PPIL1: variants seen among roughly 807,000 people sequenced by gnomAD.
PPIL1 encodes the protein peptidyl-prolyl cis-trans isomerase-like 1.
A neutral mutation model predicts 19.4 loss-of-function variants in PPIL1; 14 were observed. The ratio of observed to expected loss-of-function variants is 0.72; its 90% CI spans 0.48 to 1.13. The LOEUF (loss-of-function observed/expected upper bound fraction) is 1.13, where lower values mean the gene tolerates loss of function less well. PPIL1 is among the 50% of genes most tolerant of loss of function. The pLI, the probability that PPIL1 is intolerant of heterozygous loss-of-function variation, is 0.00. For synonymous variants in PPIL1, 72 were observed against 73.6 expected (o/e 0.98, Z 0.11); for missense variants, 192 against 218.0 (o/e 0.88, Z 0.75).
At position 36,856,579 on chromosome 6, in the gene PPIL1, C is replaced by A; in HGVS notation, c.280+7G>T. On this transcript the variant is annotated splice_region_variant and intron_variant, in intron 3 of 3. Transcript: ENST00000373699. ...TCCTACCCAGTCCAGCCAAATTATACACTTACCCGTGAATTTCAAGTCTGG... is the reference window on the plus strand; with the variant it reads ...TCCTACCCAGTCCAGCCAAATTATAAACTTACCCGTGAATTTCAAGTCTGG... 1 of 1,613,536 alleles carries A rather than the reference C, an allele frequency of 6.2e-7. No individual in the cohort carries two copies. Among genetic ancestry groups the A allele is most frequent in the African/African-American group, 1.3e-5 (1 of 75,048 alleles).
intron 2 of PPIL1, among the ~76,000 whole-genome samples, chr6:36,857,973 T>C (rs1348881663): frequency 1.3e-5 from 2 of 151,984 alleles, no homozygotes; most frequent in Non-Finnish European, 2.9e-5. Flanking sequence ...CTCATGCCTA[T>C]AATCCCAGCA....
Position 36,855,907 on chromosome 6 carries a change from A to C in PPIL1, c.407T>G (p.Ile136Arg), listed in dbSNP as rs765734095. ...HTIFGRVCQG[I>R]GMVNRVGMVE... ...CATTCCCACGCGATTCACCATTCCT[A>C]TGCCCTGACACACTCGGCCAAAAAT... Residue 136 changes from isoleucine to arginine, a missense_variant, in exon 4 of 4, where the codon ATA (isoleucine) becomes AGA (arginine). By Grantham distance (97) the Ile-to-Arg change is moderately conservative. Transcript: ENST00000373699. The C allele has an allele frequency of 2.5e-6, 4 of 1,613,964 alleles. No individual in the cohort carries two copies. The African/African-American group carries it at 5.3e-5, about 22-fold the overall frequency.
At chr6:36,856,478 C>CT in intron 3 of PPIL1, 108 bp downstream of exon 3, 1 of 1,001,092 alleles carries the variant, frequency 1.0e-6, no homozygotes, top group Non-Finnish European at 1.5e-6. Context: ...GGCTGGGCAG[C>CT]TATCTGGCAC....
At chr6:36,859,217 G>C (rs1246392429) in intron 2 of PPIL1, among the ~76,000 whole-genome samples, 2 of 152,092 alleles carry the variant, frequency 1.3e-5, no homozygotes, top group African/African-American at 4.8e-5. Flanking sequence ...ATGAGGTCAG[G>C]AGTTTGAGAC....
intron 2 of PPIL1, among the ~76,000 whole-genome samples, chr6:36,861,811 C>A (rs1194318347): frequency 6.6e-6 from 1 of 151,978 alleles, no homozygotes; most frequent in Non-Finnish European, 1.5e-5. Flanking sequence ...ATTCTCCTGC[C>A]TCAGCCTCCC....
At chr6:36,859,973 C>G (rs1341358135) in intron 2 of PPIL1, among the ~76,000 whole-genome samples, 3 of 152,014 alleles carry the variant, frequency 2.0e-5, no homozygotes, top group Non-Finnish European at 4.4e-5. Context: ...GGACTACAGG[C>G]GCCCGCCACC....
chr6:36,865,215 C>T, intron 2 of PPIL1, among the ~76,000 whole-genome samples: 1 of 152,200 alleles, frequency 6.6e-6, no homozygotes, highest in Non-Finnish European at 1.5e-5. Context: ...CTACCCTGAA[C>T]CAAACTGTCT....
At position 36,859,259 on chromosome 6, in the gene PPIL1, T is replaced by G. The variant is rs534281809; in HGVS notation, c.212-2605A>C. On this transcript the variant is annotated intron_variant, in intron 2 of 3. Transcript: ENST00000373699. Reference sequence around the variant, plus strand: ...GACCAACATGGTGAAACCCCATCACTAATAAAAATACAAAAATTAGCCAGG... The same window carrying G: ...GACCAACATGGTGAAACCCCATCACGAATAAAAATACAAAAATTAGCCAGG... Among the ~76,000 whole-genome samples, 107 of 152,002 alleles carry G rather than the reference T, an allele frequency of 7.0e-4. 2 individuals carry two copies. Among genetic ancestry groups the G allele is most frequent in the Admixed American group, 5.8e-3 (88 of 15,260 alleles).
In PPIL1 at chr6:36,855,130, C is replaced by T. The variant is rs1186881905; in HGVS notation, c.*683G>A. The T allele has an allele frequency of 6.5e-6, 1 of 152,780 alleles. No individual in the cohort carries two copies. Among genetic ancestry groups the T allele is most frequent in the Admixed American group, 6.5e-5 (1 of 15,298 alleles). The allele number at this position is 152,780 out of a possible 1,614,324, so 9.5% of individuals were successfully genotyped here. On this transcript the variant is annotated 3_prime_UTR_variant, in exon 4 of 4. Coordinates refer to ENST00000373699, the MANE Select transcript of PPIL1 (RefSeq NM_016059.5). ...AATGCTTCTGCTTCCTTTTAATAAA[C>T]TAATTTCTTGATTATTATACATTAT...
chr6:36,860,233 G>A (rs1774255177), intron 2 of PPIL1, among the ~76,000 whole-genome samples: 1 of 152,084 alleles, frequency 6.6e-6, no homozygotes, highest in Non-Finnish European at 1.5e-5. Context: ...TTGGGAGGCT[G>A]AAGGGGGCGG....
intron 3 of PPIL1, 111 bp downstream of exon 3, chr6:36,856,475 C>A (rs1176068717): frequency 3.1e-6 from 3 of 967,482 alleles, no homozygotes; most frequent in South Asian, 1.5e-5. Flanking sequence ...CATGGCTGGG[C>A]AGCTATCTGG....
In PPIL1 at chr6:36,871,890, A is replaced by G. The variant is rs759765466; in HGVS notation, c.57-18T>C. The G allele has an allele frequency of 8.4e-6, 13 of 1,556,456 alleles. No homozygotes were observed. Among genetic ancestry groups the G allele is most frequent in the Non-Finnish European group, 1.0e-5 (12 of 1,158,538 alleles). On this transcript the variant is annotated intron_variant, in intron 1 of 3. Coordinates refer to ENST00000373699, the MANE Select transcript of PPIL1 (RefSeq NM_016059.5). ...TTCCCATGCTGCAGAGGGAGAGGAC[A>G]ACAGCTCCAGTAAACAAAAAGGTCA...
rs1774150512 is a variant in PPIL1, at chr6:36,855,682, A to C, written c.*131T>G. Reference sequence around the variant, plus strand: ...ATGTACTTCCATCTCTAACTCACCCAAGATGCCAGGCCTCCTAAGCTTCAT... The same window carrying C: ...ATGTACTTCCATCTCTAACTCACCCCAGATGCCAGGCCTCCTAAGCTTCAT... On this transcript the variant is annotated 3_prime_UTR_variant, in exon 4 of 4. Transcript: ENST00000373699. The C allele has an allele frequency of 1.2e-6, 1 of 863,838 alleles. No homozygotes were observed. Among genetic ancestry groups the C allele is most frequent in the Non-Finnish European group, 1.8e-6 (1 of 547,918 alleles). The allele number at this position is 863,838 out of a possible 1,614,324, so 53.5% of individuals were successfully genotyped here. A position where few individuals can be genotyped will look rare whatever the true frequency, so the allele number is the denominator to read the frequency against.
intron 2 of PPIL1, among the ~76,000 whole-genome samples, chr6:36,865,574 T>C (rs958290073): frequency 1.3e-5 from 2 of 152,138 alleles, no homozygotes; most frequent in African/African-American, 4.8e-5. Context: ...CCCACCCTTC[T>C]TCCTAAATTC....
intron 2 of PPIL1, among the ~76,000 whole-genome samples, chr6:36,858,369 T>G (rs930078216): frequency 4.6e-5 from 7 of 152,014 alleles, no homozygotes; most frequent in African/African-American, 1.7e-4. Flanking sequence ...TGAACTACAT[T>G]GGTTTCTCCA....
chr6:36,867,755 C>G (rs1335544447), intron 2 of PPIL1, among the ~76,000 whole-genome samples: 1 of 152,196 alleles, frequency 6.6e-6, no homozygotes, highest in Non-Finnish European at 1.5e-5. Context: ...GCTAGCCCTC[C>G]CACAAGGGGC....
intron 2 of PPIL1, among the ~76,000 whole-genome samples, chr6:36,866,317 T>C (rs1292046601): frequency 1.3e-5 from 2 of 152,144 alleles, no homozygotes; most frequent in Non-Finnish European, 2.9e-5. Context: ...TCCACAGTAG[T>C]CAGACTGAGG....
At chr6:36,856,373 A>AT (rs1774168036) in intron 3 of PPIL1, among the ~76,000 whole-genome samples, 1 of 152,220 alleles carries the variant, frequency 6.6e-6, no homozygotes, top group South Asian at 2.1e-4. Context: ...ACAAGTAGTT[A>AT]GAGTCTAGAA....
chr6:36,854,852 T>C lies in PPIL1; in HGVS notation c.*961A>G, dbSNP rs1036445262. The C allele has an allele frequency of 5.9e-5, 9 of 152,678 alleles. No individual in the cohort carries two copies. The highest frequency in any genetic ancestry group is 2.2e-4 in the African/African-American group (9 of 41,472). 9.5% of individuals were successfully genotyped at this position (152,678 alleles called of 1,614,324 possible). ...AATTTCAACCATCAATGGCATTTTA[T>C]TGTGGAAGTTTCTATGTATTACATA... On this transcript the variant is annotated 3_prime_UTR_variant, in exon 4 of 4. Transcript: ENST00000373699.
Sources: gnomAD v4.1 joint callset for allele counts (sites outside exome capture counted in the v4.1 genomes callset) on GRCh38, gnomAD v4.1.1 for gene constraint, MANE v1.5 for transcripts, NCBI Gene and HGNC (gene_info 2026-07-23, HGNC 2026-07-21) for gene names.